The following CRYBG3 variants were observed in gnomAD, a reference collection of about 807,000 sequenced individuals.
CRYBG3 encodes the protein crystallin beta-gamma domain containing 3.
In CRYBG3, 127 loss-of-function variants were observed where a neutral mutation model predicts 244.2. The observed-to-expected ratio is 0.52, with a 90% CI of 0.45 to 0.60. The LOEUF is 0.60. CRYBG3 is among the 20% of genes least tolerant of loss of function. The probability of loss-of-function intolerance (pLI) is 0.00; values close to 1 mark genes in which losing one functional copy is unlikely to be tolerated. For synonymous variants in CRYBG3, 1,132 were observed against 1,195.8 expected, an observed-to-expected ratio of 0.95 and a Z score of 1.10; for missense variants, 3,325 against 3,442.5, an observed-to-expected ratio of 0.97 and a Z score of 0.85.
intron 15 of CRYBG3, among the ~76,000 whole-genome samples, chr3:97,908,130 A>G (rs980125529): frequency 1.8e-4 from 27 of 152,112 alleles, no homozygotes; most frequent in African/African-American, 5.8e-4. Flanking sequence ...TATTATTTCT[A>G]TTCTTTTACA....
At position 97,934,041 on chromosome 3, in the gene CRYBG3, A is replaced by G. The variant is rs1010224161; in HGVS notation, c.8381+208A>G. Among the ~76,000 whole-genome samples, 4 of 152,090 alleles carry G rather than the reference A, an allele frequency of 2.6e-5. No homozygotes were observed. The East Asian group carries it at 7.7e-4, about 29-fold the overall frequency. ...TTACCCAGTTGAACTTTCTTTTCAG[A>G]AGAAATTTCAATATCCCAGCAACTT... is the stretch of plus-strand genomic sequence containing the variant. On this transcript the variant is annotated intron_variant, in intron 18 of 21. Coordinates refer to ENST00000389622, the MANE Select transcript of CRYBG3 (RefSeq NM_153605.4).
intron 1 of CRYBG3, among the ~76,000 whole-genome samples, chr3:97,829,331 T>C (rs1017883798): frequency 6.6e-6 from 1 of 152,244 alleles, no homozygotes; most frequent in Non-Finnish European, 1.5e-5. Context: ...TAATCTCTAA[T>C]GTGAAACTGG....
intron 3 of CRYBG3, among the ~76,000 whole-genome samples, chr3:97,866,010 C>T (rs1469941834): frequency 6.6e-6 from 1 of 152,014 alleles, no homozygotes; most frequent in Admixed American, 6.6e-5. Context: ...GACAACAACT[C>T]ACCAATAGAA....
At chr3:97,855,023 C>T (rs990853506) in intron 2 of CRYBG3, among the ~76,000 whole-genome samples, 11 of 151,962 alleles carry the variant, frequency 7.2e-5, no homozygotes, top group African/African-American at 2.7e-4. Flanking sequence ...GAGGTACATT[C>T]CTTATATACC....
intron 15 of CRYBG3, among the ~76,000 whole-genome samples, chr3:97,910,069 G>T (rs1486996809): frequency 6.6e-6 from 1 of 151,668 alleles, no homozygotes; most frequent in East Asian, 1.9e-4. Flanking sequence ...CAGGGGTCAG[G>T]GGTCAGGGAC....
chr3:97,938,096 C>T (rs1222442387), intron 19 of CRYBG3, among the ~76,000 whole-genome samples: 1 of 151,952 alleles, frequency 6.6e-6, no homozygotes, highest in African/African-American at 2.4e-5. Context: ...GCATTAGTAC[C>T]TCTCTCTAAT....
intron 2 of CRYBG3, among the ~76,000 whole-genome samples, chr3:97,854,854 T>C (rs1391194522): frequency 2.0e-5 from 3 of 152,066 alleles, no homozygotes; most frequent in African/African-American, 7.2e-5. Context: ...TTCTTTCTCT[T>C]GTTTGATTGC....
In CRYBG3 at chr3:97,874,684, G is replaced by C; in HGVS notation, c.3490G>C (p.Val1164Leu). The change falls in exon 4 of 22, where the codon GTT (valine) becomes CTT (leucine). Residue 1164 changes from valine to leucine, a missense_variant. This residue lies in a region of CRYBG3 where 1,526 missense variants were observed against 1,443.2 expected (regional missense o/e 1.06). Coordinates refer to ENST00000389622, the MANE Select transcript of CRYBG3 (RefSeq NM_153605.4). ...TGAVAGPAASVNSSGQQCSEA... is the reference protein window; with the variant it reads ...TGAVAGPAASLNSSGQQCSEA... ...AGCAGTTGCTGGGCCTGCAGCGTCAGTTAACAGCTCAGGCCAACAGTGTTC... is the reference window on the plus strand; with the variant it reads ...AGCAGTTGCTGGGCCTGCAGCGTCACTTAACAGCTCAGGCCAACAGTGTTC... 6.5e-7 allele frequency: 1 copy of C among 1,535,880 alleles called. No homozygotes were observed. Among genetic ancestry groups the C allele is most frequent in the Non-Finnish European group, 8.7e-7 (1 of 1,146,792 alleles).
Position 97,879,715 on chromosome 3 carries a change from AC to A in CRYBG3, c.6856del (p.Gln2286LysfsTer3). The A allele has an allele frequency of 6.2e-7, 1 of 1,603,668 alleles. No individual in the cohort carries two copies. Among genetic ancestry groups the A allele is most frequent in the Non-Finnish European group, 8.5e-7 (1 of 1,175,402 alleles). ...TTTTATTATTTCAGAATGTTGACAA[AC>A]AAACTCTGAGATGTAACCCAAGACC... ...LSPFIENVDK[Q>X]TLRCNPRPGK... On this transcript the variant is annotated frameshift_variant, in exon 5 of 22. Coordinates refer to ENST00000389622, the MANE Select transcript of CRYBG3 (RefSeq NM_153605.4). LOFTEE classifies it high-confidence loss of function.
intron 19 of CRYBG3, among the ~76,000 whole-genome samples, chr3:97,937,648 G>A (rs2040179383): frequency 2.6e-5 from 4 of 151,980 alleles, no homozygotes; most frequent in Admixed American, 2.0e-4. Context: ...TAACCCTAGC[G>A]TTATGGTTGG....
At chr3:97,915,279 G>A (rs1466815999) in intron 16 of CRYBG3, among the ~76,000 whole-genome samples, 1 of 152,030 alleles carries the variant, frequency 6.6e-6, no homozygotes, top group African/African-American at 2.4e-5. Context: ...CTCTATCATT[G>A]AGTAGTTTGA....
chr3:97,860,395 A>G (rs374010089), intron 2 of CRYBG3, among the ~76,000 whole-genome samples: 17 of 152,180 alleles, frequency 1.1e-4, no homozygotes, highest in African/African-American at 3.6e-4. Flanking sequence ...TAGTAAGTAC[A>G]AGAAGAAAAA....
intron 2 of CRYBG3, among the ~76,000 whole-genome samples, chr3:97,844,881 G>T (rs1479353970): frequency 6.6e-6 from 1 of 152,168 alleles, no homozygotes; most frequent in Non-Finnish European, 1.5e-5. Context: ...TAAATACCAT[G>T]CAGTCATGAA....
intron 15 of CRYBG3, among the ~76,000 whole-genome samples, chr3:97,904,288 G>A (rs1171447625): frequency 6.6e-6 from 1 of 152,116 alleles, no homozygotes; most frequent in Non-Finnish European, 1.5e-5. Flanking sequence ...CTAATTCTGG[G>A]TGAATCATAT....
intron 18 of CRYBG3, 22 bp from the exon 19 acceptor site, chr3:97,936,763 T>G: frequency 1.9e-6 from 3 of 1,608,446 alleles, no homozygotes; most frequent in Non-Finnish European, 2.5e-6. Context: ...GTACACTACT[T>G]TTTTCTTTCT....
chr3:97,857,417 G>GTT (rs1284270197), intron 2 of CRYBG3, among the ~76,000 whole-genome samples: 37 of 131,010 alleles, frequency 2.8e-4, no homozygotes, highest in African/African-American at 4.7e-4. Context: ...ATTTCCTTAA[G>GTT]TTTTTTTTTT....
rs2039192063 is a variant in CRYBG3 at position 97,864,202 on chromosome 3, A to G, written c.217-15A>G. 19 of 1,467,340 alleles carry G rather than the reference A, an allele frequency of 1.3e-5. No individual in the cohort carries two copies. The highest frequency in any genetic ancestry group is 1.7e-5 in the Non-Finnish European group (19 of 1,118,148). 90.9% of individuals were successfully genotyped at this position (1,467,340 alleles called of 1,614,324 possible). On this transcript the variant is annotated splice_polypyrimidine_tract_variant and intron_variant, in intron 2 of 21. Coordinates refer to ENST00000389622, the MANE Select transcript of CRYBG3 (RefSeq NM_153605.4). Reference sequence around the variant, plus strand: ...TAAATAATGATGCTTATGATTGTCTATTTTGTTTTCAAAGATTCGCCAAAG... The same window carrying G: ...TAAATAATGATGCTTATGATTGTCTGTTTTGTTTTCAAAGATTCGCCAAAG...
chr3:97,864,534 A>G lies in CRYBG3; in HGVS notation c.534A>G (p.Leu178=). The change falls in exon 3 of 22, where the codon CTA becomes CTG. Residue 178 remains leucine (L), a synonymous_variant. Coordinates refer to ENST00000389622, the MANE Select transcript of CRYBG3 (RefSeq NM_153605.4). ...AGAGAGAGATTTTCAGTGGCTCCCT[A>G]AGAACCCAGACACATCCAACAGAAG... is the stretch of plus-strand genomic sequence containing the variant. ...KREREIFSGS[L]RTQTHPTEEQ... 1 of 1,535,948 alleles carries G rather than the reference A, an allele frequency of 6.5e-7. No individual in the cohort carries two copies. The highest frequency in any genetic ancestry group is 2.4e-5 in the East Asian group (1 of 40,908).
intron 15 of CRYBG3, among the ~76,000 whole-genome samples, chr3:97,905,927 T>A (rs1391335705): frequency 1.4e-5 from 2 of 148,128 alleles, no homozygotes; most frequent in African/African-American, 5.0e-5. Flanking sequence ...TTGTATAAGG[T>A]ATAAGGAAGG....
Sources: gnomAD v4.1 joint callset for allele counts (sites outside exome capture counted in the v4.1 genomes callset) on GRCh38, gnomAD v4.1.1 for gene constraint, gnomAD v4.1.1 regional missense constraint, MANE v1.5 for transcripts, NCBI Gene and HGNC (gene_info 2026-07-23, HGNC 2026-07-21) for gene names.